Variants in PLAAT1 observed in about 807,000 individuals in gnomAD.
PLAAT1 encodes H-REV107 protein-related protein.
A neutral mutation model predicts 16.4 loss-of-function variants in PLAAT1; 13 were observed. That is an observed-to-expected ratio of 0.79 (90% confidence interval 0.52 to 1.26). The LOEUF (loss-of-function observed/expected upper bound fraction) is 1.26, where lower values mean the gene tolerates loss of function less well. PLAAT1 is among the 50% of genes most tolerant of loss of function. The pLI is 0.00. For missense variants in PLAAT1, 218 were observed against 207.8 expected (o/e 1.05, Z -0.30); for synonymous variants, 73 against 78.4 (o/e 0.93, Z 0.36).
At chr3:193,251,580 T>C (rs1716193610) in intron 1 of PLAAT1, among the ~76,000 whole-genome samples, 1 of 152,136 alleles carries the variant, frequency 6.6e-6, no homozygotes, top group African/African-American at 2.4e-5. Flanking sequence ...GACACAGTGA[T>C]TTAAGAGCCA....
chr3:193,280,320 A>G (rs950108771), downstream of PLAAT1, among the ~76,000 whole-genome samples: 7 of 152,062 alleles, frequency 4.6e-5, no homozygotes, highest in East Asian at 3.9e-4. Flanking sequence ...CCAAAGTGCT[A>G]TGATTACAGG....
chr3:193,249,429 T>C (rs2108782254), intron 1 of PLAAT1, among the ~76,000 whole-genome samples: 1 of 152,268 alleles, frequency 6.6e-6, no homozygotes, highest in African/African-American at 2.4e-5. Flanking sequence ...ACCAAAATGA[T>C]TTATAGCGGC....
intron 3 of PLAAT1, among the ~76,000 whole-genome samples, chr3:193,269,841 G>C (rs115406931): frequency 0.019 from 2,850 of 152,180 alleles, 68 homozygotes; most frequent in Middle Eastern, 0.061. Flanking sequence ...TCATCATCAT[G>C]ATGATTAATA....
At chr3:193,258,763 T>TA (rs779365071) in intron 2 of PLAAT1, among the ~76,000 whole-genome samples, 3 of 151,730 alleles carry the variant, frequency 2.0e-5, no homozygotes, top group Non-Finnish European at 2.9e-5. Flanking sequence ...ATAATAATAA[T>TA]AAAAAAACTA....
intron 3 of PLAAT1, among the ~76,000 whole-genome samples, chr3:193,268,129 GTCTTA>G (rs370038533): frequency 2.3e-4 from 35 of 152,158 alleles, no homozygotes; most frequent in Non-Finnish European, 4.4e-4. Context: ...CTCAGTTTGT[GTCTTA>G]TCTTTTATGT....
intron 1 of PLAAT1, among the ~76,000 whole-genome samples, chr3:193,249,762 G>A (rs1238076298): frequency 6.6e-6 from 1 of 151,510 alleles, no homozygotes; most frequent in Non-Finnish European, 1.5e-5. Context: ...TCTTACTTCT[G>A]CTTGATTTAT....
intron 1 of PLAAT1, among the ~76,000 whole-genome samples, chr3:193,250,778 G>A (rs1476283516): frequency 6.6e-6 from 1 of 152,260 alleles, no homozygotes; most frequent in African/African-American, 2.4e-5. Context: ...CATAGGGGAA[G>A]GTGCAAGGAG....
downstream of PLAAT1, chr3:193,274,925 C>T (rs574736200): frequency 6.0e-4 from 846 of 1,401,476 alleles, 1 homozygote; most frequent in Non-Finnish European, 7.0e-4. Context: ...TGAAAATATA[C>T]TTTGAATGCT....
rs181037811 is a variant in PLAAT1, at chr3:193,243,307, T to C, written c.-1+1774T>C. Among the ~76,000 whole-genome samples, 409 of 151,456 alleles carry C rather than the reference T, an allele frequency of 2.7e-3. 3 individuals carry two copies. The highest frequency in any genetic ancestry group is 9.6e-3 in the African/African-American group (397 of 41,480). On this transcript the variant is annotated intron_variant, in intron 1 of 3. Transcript: ENST00000264735. ...CACTGCATTACACAATTTGTCTGAA[T>C]GAAATTGGTAGATGTGGTCCATGTA...
intron 1 of PLAAT1, among the ~76,000 whole-genome samples, chr3:193,252,025 G>A (rs566818905): frequency 6.6e-6 from 1 of 152,282 alleles, no homozygotes; most frequent in Non-Finnish European, 1.5e-5. Flanking sequence ...GAATATTTGA[G>A]ACTGCGTAAT....
At chr3:193,245,594 A>G (rs1715952291) in intron 1 of PLAAT1, among the ~76,000 whole-genome samples, 1 of 152,170 alleles carries the variant, frequency 6.6e-6, no homozygotes, top group South Asian at 2.1e-4. Flanking sequence ...TTCTACTTTT[A>G]GTTTTTTAGG....
chr3:193,241,116 CCCGGCGGG>C (rs2108771917), upstream of PLAAT1: 1 of 828,978 alleles, frequency 1.2e-6, no homozygotes, highest in African/African-American at 3.8e-5. Flanking sequence ...GGTGCAGTTC[CCCGGCGGG>C]CGGGCGGGCG....
chr3:193,247,286 G>GCA (rs1368901788), intron 1 of PLAAT1, among the ~76,000 whole-genome samples: 2 of 152,276 alleles, frequency 1.3e-5, no homozygotes, highest in Admixed American at 6.5e-5. Context: ...GATATTTTGT[G>GCA]CAGATAAGGG....
chr3:193,255,933 G>T (rs1232021294), intron 2 of PLAAT1, 144 bp downstream of exon 2: 1 of 739,370 alleles, frequency 1.4e-6, no homozygotes, highest in Non-Finnish European at 2.0e-6. Context: ...GTTTAGAGAA[G>T]GATATTCTAA....
intron 1 of PLAAT1, among the ~76,000 whole-genome samples, chr3:193,255,265 CT>C (rs1716332488): frequency 6.6e-6 from 1 of 152,076 alleles, no homozygotes; most frequent in Admixed American, 6.6e-5. Context: ...CCTATTTCCC[CT>C]TTTTATCCTA....
Position 193,263,097 on chromosome 3 carries a change from G to A in PLAAT1, c.267G>A (p.Thr89=), listed in dbSNP as rs200111488. ...GAATAAACAATAAATACGATGAAAC[G>A]TACCCCCCTCTCCCTGTGGAAGAAA... The part of the protein sequence containing the change: ...TYRINNKYDE[T]YPPLPVEEII... The change falls in exon 3 of 4, where the codon ACG becomes ACA. Residue 89 remains threonine (T), a synonymous_variant. Transcript: ENST00000264735. 2.7e-5 allele frequency: 44 copies of A among 1,614,034 alleles called. No homozygotes were observed. The highest frequency in any genetic ancestry group is 1.6e-5 in the Non-Finnish European group (19 of 1,180,026).
intron 1 of PLAAT1, among the ~76,000 whole-genome samples, chr3:193,247,037 A>G (rs1376429306): frequency 2.0e-5 from 3 of 152,074 alleles, no homozygotes; most frequent in African/African-American, 7.2e-5. Flanking sequence ...TTCCTTATTT[A>G]TTATTGGTCT....
In PLAAT1 at chr3:193,270,741, T is replaced by A; in HGVS notation, c.*36T>A. ...AAGAGATATTGATATTGAAGGAATT[T>A]GGGAGGAGGAAAAGAAACCTGGGGT... is the stretch of plus-strand genomic sequence containing the variant. On this transcript the variant is annotated 3_prime_UTR_variant, in exon 4 of 4. Coordinates refer to ENST00000264735, the MANE Select transcript of PLAAT1 (RefSeq NM_020386.5). 1 of 1,600,996 alleles carries A rather than the reference T, an allele frequency of 6.2e-7. No individual in the cohort carries two copies. Among genetic ancestry groups the A allele is most frequent in the South Asian group, 1.1e-5 (1 of 89,494 alleles).
chr3:193,245,274 A>G (rs1263447443), intron 1 of PLAAT1, among the ~76,000 whole-genome samples: 1 of 152,124 alleles, frequency 6.6e-6, no homozygotes, highest in African/African-American at 2.4e-5. Flanking sequence ...TTTAGATTTC[A>G]CACGTGAGAT....
Sources: allele counts gnomAD v4.1 joint callset (sites outside exome capture counted in the v4.1 genomes callset), GRCh38; gene constraint gnomAD v4.1.1; transcripts MANE v1.5; gene names NCBI Gene and HGNC (gene_info 2026-07-23, HGNC 2026-07-21).